CWC27: variants seen among roughly 807,000 people sequenced by gnomAD.
CWC27 encodes the protein CWC27 spliceosome associated cyclophilin, also known as spliceosome-associated protein CWC27 homolog.
In CWC27, 47 loss-of-function variants were observed where a neutral mutation model predicts 63.6. That is an observed-to-expected ratio of 0.74 (90% CI 0.58 to 0.94). The LOEUF (loss-of-function observed/expected upper bound fraction) is 0.94, where lower values mean the gene tolerates loss of function less well. Among genes scored for constraint, CWC27 ranks in the 40% least tolerant of loss-of-function variants. The pLI is 0.00. For missense variants in CWC27, 495 were observed against 554.3 expected (o/e 0.89, Z 1.07); for synonymous variants, 175 against 179.8 (o/e 0.97, Z 0.22).
chr5:64,799,850 T>A (rs1297708517), intron 7 of CWC27, among the ~76,000 whole-genome samples: 3 of 151,928 alleles, frequency 2.0e-5, no homozygotes, highest in Non-Finnish European at 4.4e-5. Flanking sequence ...AAAAAGTGAT[T>A]CTGTGCAGTA....
intron 2 of CWC27, among the ~76,000 whole-genome samples, chr5:64,780,693 A>ACG (rs749367359): frequency 0.012 from 549 of 47,710 alleles, no homozygotes; most frequent in South Asian, 0.054. Flanking sequence ...ACACGCGCAC[A>ACG]CGCGCGCACA....
chr5:64,808,013 T>C (rs1744749342), intron 10 of CWC27: 9 of 1,378,520 alleles, frequency 6.5e-6, no homozygotes, highest in Non-Finnish European at 7.5e-6. Flanking sequence ...CCATTTTTTT[T>C]TCTTGGTCTT....
chr5:64,783,740 A>G (rs1392819007), intron 3 of CWC27, 96 bp from the exon 4 acceptor site: 93 of 1,060,304 alleles, frequency 8.8e-5, no homozygotes, highest in Non-Finnish European at 1.1e-4. Flanking sequence ...TGCATTTTTT[A>G]TTAGAAGTTG....
At chr5:64,866,274 G>A (rs747449821) in intron 10 of CWC27, among the ~76,000 whole-genome samples, 1 of 152,044 alleles carries the variant, frequency 6.6e-6, no homozygotes, top group Non-Finnish European at 1.5e-5. Flanking sequence ...ACATTAACTT[G>A]TAGGACTCCC....
At chr5:64,887,377 T>G (rs2112346206) in intron 11 of CWC27, among the ~76,000 whole-genome samples, 1 of 152,280 alleles carries the variant, frequency 6.6e-6, no homozygotes, top group Non-Finnish European at 1.5e-5. Context: ...ATTTATTTAC[T>G]TATTTTTTGA....
At chr5:64,881,493 C>T (rs1746933951) in intron 10 of CWC27, among the ~76,000 whole-genome samples, 1 of 152,120 alleles carries the variant, frequency 6.6e-6, no homozygotes, top group Non-Finnish European at 1.5e-5. Context: ...ATATGACAGA[C>T]AGCTCTTAAC....
chr5:64,881,416 A>T (rs527265328), intron 10 of CWC27, among the ~76,000 whole-genome samples: 1 of 152,246 alleles, frequency 6.6e-6, no homozygotes, highest in African/African-American at 2.4e-5. Context: ...AAAATGATGA[A>T]CAGAGTTGTT....
chr5:64,975,669 C>CAA (rs1201874500), intron 12 of CWC27, among the ~76,000 whole-genome samples: 1 of 151,936 alleles, frequency 6.6e-6, no homozygotes, highest in Non-Finnish European at 1.5e-5. Context: ...GTTCCCCCTA[C>CAA]ACACACACAC....
At chr5:64,856,213 C>A (rs1561436260) in intron 10 of CWC27, among the ~76,000 whole-genome samples, 1 of 151,976 alleles carries the variant, frequency 6.6e-6, no homozygotes, top group Non-Finnish European at 1.5e-5. Context: ...AATATCAATA[C>A]TTATGGACAA....
intron 11 of CWC27, among the ~76,000 whole-genome samples, chr5:64,925,910 T>G (rs1748101847): frequency 6.6e-6 from 1 of 152,194 alleles, no homozygotes. Context: ...CTACTATTTT[T>G]GCTTATGGGA....
Position 64,874,440 on chromosome 5 carries a change from A to G in CWC27, c.939-11003A>G, listed in dbSNP as rs539268338. On this transcript the variant is annotated intron_variant, in intron 10 of 13. Coordinates refer to ENST00000381070, the MANE Select transcript of CWC27 (RefSeq NM_005869.4). Reference sequence around the variant, plus strand: ...CAGCCTCCCAAAGTGCTGGGATTACAGGCATGAGCCACCGTGCCCAGCCGA... The same window carrying G: ...CAGCCTCCCAAAGTGCTGGGATTACGGGCATGAGCCACCGTGCCCAGCCGA... 1.2e-4 allele frequency among the ~76,000 whole-genome samples: 18 copies of G among 151,670 alleles called. No homozygotes were observed. In the South Asian group the frequency reaches 3.8e-3, roughly 32 times the overall value.
intron 12 of CWC27, among the ~76,000 whole-genome samples, chr5:64,974,110 C>T (rs1481246916): frequency 2.6e-5 from 4 of 151,372 alleles, no homozygotes; most frequent in African/African-American, 7.3e-5. Flanking sequence ...AGGTGGTGTG[C>T]ATCTGTGGTC....
At chr5:64,957,603 A>C (rs1010727804) in intron 11 of CWC27, among the ~76,000 whole-genome samples, 1 of 152,196 alleles carries the variant, frequency 6.6e-6, no homozygotes, top group East Asian at 1.9e-4. Context: ...ATAATCATTT[A>C]TATATTGCAG....
At chr5:64,780,735 G>T (rs554346102) in intron 2 of CWC27, among the ~76,000 whole-genome samples, 1 of 151,132 alleles carries the variant, frequency 6.6e-6, no homozygotes, top group African/African-American at 2.4e-5. Context: ...CATAATTGCT[G>T]GATTACATGC....
At chr5:64,898,016 T>G (rs900585596) in intron 11 of CWC27, among the ~76,000 whole-genome samples, 1 of 152,142 alleles carries the variant, frequency 6.6e-6, no homozygotes, top group Non-Finnish European at 1.5e-5. Flanking sequence ...GTAGAACATT[T>G]GAACCACACA....
In CWC27 at chr5:64,782,439, C is replaced by T. The variant is rs1407378332; in HGVS notation, c.252+406C>T. On this transcript the variant is annotated intron_variant, in intron 3 of 13. Coordinates refer to ENST00000381070, the MANE Select transcript of CWC27 (RefSeq NM_005869.4). ...CTCCAGCCTGGGCGACAGAGCGAGA[C>T]TCCGTCTCAAATAAATAAATAAATA... Among the ~76,000 whole-genome samples, 4 of 56,442 alleles carry T rather than the reference C, an allele frequency of 7.1e-5. No homozygotes were observed. The Admixed American group carries it at 9.9e-4, about 14-fold the overall frequency. The allele number at this position is 56,442 out of a possible 152,430, so 37.0% of individuals were successfully genotyped here. A position where few individuals can be genotyped will look rare whatever the true frequency, so the allele number is the denominator to read the frequency against.
At chr5:64,887,428 C>T (rs746064298) in intron 11 of CWC27, among the ~76,000 whole-genome samples, 38 of 151,968 alleles carry the variant, frequency 2.5e-4, no homozygotes, top group Non-Finnish European at 3.7e-4. Context: ...AGTGTGGTGG[C>T]GCGATCTTGG....
chr5:64,942,357 G>A (rs548686066), intron 11 of CWC27, among the ~76,000 whole-genome samples: 1 of 149,394 alleles, frequency 6.7e-6, no homozygotes, highest in South Asian at 2.1e-4. Flanking sequence ...TTGAACCCAG[G>A]AGTTCAAGGC....
chr5:64,807,864 A>G, intron 10 of CWC27: 4 of 1,497,906 alleles, frequency 2.7e-6, no homozygotes, highest in Non-Finnish European at 1.8e-6. Context: ...GTAAAAACTA[A>G]CAAAACCATT....
Sources: gnomAD v4.1 joint callset for allele counts (sites outside exome capture counted in the v4.1 genomes callset) on GRCh38, gnomAD v4.1.1 for gene constraint, MANE v1.5 for transcripts, NCBI Gene and HGNC (gene_info 2026-07-23, HGNC 2026-07-21) for gene names.